Variants in DHX33 observed in about 807,000 individuals in gnomAD.
DHX33 encodes DEAH-box helicase 33, also known as ATP-dependent RNA helicase DHX33.
DHX33 carries 42 observed loss-of-function variants against 72.5 expected under a neutral mutation model. That is an observed-to-expected ratio of 0.58 (90% CI 0.45 to 0.75). DHX33 has a LOEUF of 0.75. DHX33 is among the 30% of genes least tolerant of loss of function. DHX33 has a pLI of 0.00. For synonymous variants in DHX33, 358 were observed against 366.1 expected (o/e 0.98, Z 0.25); for missense variants, 842 against 917.5 (o/e 0.92, Z 1.06).
rs992127972 is a variant in DHX33 at position 5,444,937 on chromosome 17, C to G, written c.1816-424G>C. Among the ~76,000 whole-genome samples the G allele has an allele frequency of 1.3e-5, 2 of 152,214 alleles. No individual in the cohort carries two copies. Among genetic ancestry groups the G allele is most frequent in the East Asian group, 3.8e-4 (2 of 5,200 alleles). Reference sequence around the variant, plus strand: ...AAGCTAATCTACCTAAAGCACAACTCGAATCACTCTTCATCCACTCAAATA... The same window carrying G: ...AAGCTAATCTACCTAAAGCACAACTGGAATCACTCTTCATCCACTCAAATA... On this transcript the variant is annotated intron_variant, in intron 11 of 11. Coordinates refer to ENST00000225296, the MANE Select transcript of DHX33 (RefSeq NM_020162.4). The surrounding 1 kb of genome is among the most constrained non-coding windows in gnomAD (Gnocchi z 4.9).
rs554673446 is a variant in DHX33, at chr17:5,460,143, T to C, written c.849+796A>G. Among the ~76,000 whole-genome samples, 5 of 151,562 alleles carry C rather than the reference T, an allele frequency of 3.3e-5. 1 individual carries two copies. Among genetic ancestry groups the C allele is most frequent in the African/African-American group, 9.7e-5 (4 of 41,282 alleles). ...CATTCTCTTGCCTCAGTCTCCCGAG[T>C]AGCTGGGACTACAGGCGCCCGCTAC... is the stretch of plus-strand genomic sequence containing the variant. On this transcript the variant is annotated intron_variant, in intron 4 of 11. Transcript: ENST00000225296.
In DHX33 at chr17:5,455,256, T is replaced by TCA; in HGVS notation, c.1049_1050dup (p.Ile351Ter). ...GTTTCAGCGATGTTGGTTGAAATGA[T>TCA]CACTTTGCGATAGCCCTAAAAGGAG... On this transcript the variant is annotated frameshift_variant, in exon 6 of 12. Transcript: ENST00000225296. LOFTEE classifies it high-confidence loss of function. 1 of 1,614,190 alleles carries TCA rather than the reference T, an allele frequency of 6.2e-7. No homozygotes were observed. The highest frequency in any genetic ancestry group is 8.5e-7 in the Non-Finnish European group (1 of 1,180,014).
At chr17:5,461,288 G>T in intron 3 of DHX33, 179 bp from the exon 4 acceptor site, 2 of 469,946 alleles carry the variant, frequency 4.3e-6, no homozygotes, top group East Asian at 3.6e-5. Flanking sequence ...ACACAGGTCT[G>T]TTTCCTTTCC....
chr17:5,466,692 GA>G (rs35129965), intron 1 of DHX33, among the ~76,000 whole-genome samples: 9,770 of 152,280 alleles, frequency 0.064, 338 homozygotes, highest in Middle Eastern at 0.082. Context: ...CTTAGCTGTA[GA>G]ACTTGCCTGC....
At chr17:5,452,172 G>C (rs566060426) in intron 8 of DHX33, among the ~76,000 whole-genome samples, 1 of 152,088 alleles carries the variant, frequency 6.6e-6, no homozygotes, top group Non-Finnish European at 1.5e-5. Context: ...TCATTTGTAT[G>C]TAAGAATTTA....
intron 10 of DHX33, 63 bp from the exon 11 acceptor site, chr17:5,448,958 G>T: frequency 1.5e-6 from 2 of 1,350,064 alleles, no homozygotes; most frequent in East Asian, 2.4e-5. Context: ...TCACAGAGAC[G>T]GGGTCTTGCT....
At position 5,453,838 on chromosome 17, in the gene DHX33, G is replaced by A. The variant is rs147168886; in HGVS notation, c.1290C>T (p.Thr430=). The change falls in exon 7 of 12, where the codon ACC becomes ACT. Residue 430 remains threonine (T), a synonymous_variant. Coordinates refer to ENST00000225296, the MANE Select transcript of DHX33 (RefSeq NM_020162.4). ...EDEFEKFDKM[T]VPEIQRCNLA... ...GTGCCTACCTCTGGATCTCTGGCAC[G>A]GTCATCTTATCAAACTTCTCAAACT... The A allele has an allele frequency of 2.6e-5, 42 of 1,613,892 alleles. No individual in the cohort carries two copies. The highest frequency in any genetic ancestry group is 3.3e-4 in the Middle Eastern group (2 of 6,082).
chr17:5,449,466 T>G (rs1916796862), intron 10 of DHX33, among the ~76,000 whole-genome samples: 1 of 152,222 alleles, frequency 6.6e-6, no homozygotes, highest in African/African-American at 2.4e-5. Context: ...AGATAGAGTC[T>G]CGCTCTGTCA....
In DHX33 at chr17:5,441,746, C is replaced by T. The variant is rs188777786; in HGVS notation, c.*2459G>A. 2 of 152,252 alleles carry T rather than the reference C, an allele frequency of 1.3e-5. No homozygotes were observed. Among genetic ancestry groups the T allele is most frequent in the African/African-American group, 4.8e-5 (2 of 41,524 alleles). 9.4% of individuals were successfully genotyped at this position (152,252 alleles called of 1,614,324 possible). ...GTATTAAAACTCTACCACAATGTTACAGGGATAAACTTATTTCTGTACAGA... is the reference window on the plus strand; with the variant it reads ...GTATTAAAACTCTACCACAATGTTATAGGGATAAACTTATTTCTGTACAGA... On this transcript the variant is annotated 3_prime_UTR_variant, in exon 12 of 12. Transcript: ENST00000225296.
rs758826511 is a variant in DHX33 at position 5,460,948 on chromosome 17, C to G, written c.840G>C (p.Gln280His). 7 of 1,612,300 alleles carry G rather than the reference C, an allele frequency of 4.3e-6. No individual in the cohort carries two copies. The South Asian group carries it at 5.5e-5, about 13-fold the overall frequency. ...YLHAALVSVF[Q>H]IHQEAPSSQD... ...GCCCCCAGCACCATACCTGGTGGAT[C>G]TGGAAGACGGAGACAAGCGCGGCGT... The change falls in exon 4 of 12, where the codon CAG (glutamine) becomes CAC (histidine). Residue 280 changes from glutamine to histidine, a missense_variant. Physicochemically the swap from Gln to His is conservative, Grantham distance 24. Coordinates refer to ENST00000225296, the MANE Select transcript of DHX33 (RefSeq NM_020162.4).
In DHX33 at chr17:5,444,211, T is replaced by C. The variant is rs895569941; in HGVS notation, c.2118A>G (p.Arg706=). ...EYFRRKLRTA[R]N is the part of the protein sequence containing the mutation. ...GGCGGCATCCTGGGGCGGCTCAGTTTCTGGCGGTTCTCAGCTTCCTCCTAA... is the reference window on the plus strand; with the variant it reads ...GGCGGCATCCTGGGGCGGCTCAGTTCCTGGCGGTTCTCAGCTTCCTCCTAA... The change falls in exon 12 of 12, where the codon AGA becomes AGG. Residue 706 remains arginine (R), a synonymous_variant. Transcript: ENST00000225296. The surrounding 1 kb of genome is among the most constrained non-coding windows in gnomAD (Gnocchi z 4.9). The C allele has an allele frequency of 1.9e-6, 3 of 1,612,434 alleles. No individual in the cohort carries two copies. The highest frequency in any genetic ancestry group is 2.5e-6 in the Non-Finnish European group (3 of 1,178,588).
chr17:5,453,660 AG>A lies in DHX33; in HGVS notation c.1315del (p.Leu439TrpfsTer4). ...MTVPEIQRCN[L>X]ASVMLQLLAM... ...TAGAAGCTGAAGCATCACACTGGCCAGGTTACACCTGTGAAGAGCATGAGAC... is the reference window on the plus strand; with the variant it reads ...TAGAAGCTGAAGCATCACACTGGCCAGTTACACCTGTGAAGAGCATGAGAC... On this transcript the variant is annotated frameshift_variant, in exon 8 of 12. Coordinates refer to ENST00000225296, the MANE Select transcript of DHX33 (RefSeq NM_020162.4). LOFTEE classifies it high-confidence loss of function. 1.2e-6 allele frequency: 2 copies of A among 1,614,174 alleles called. No individual in the cohort carries two copies. The highest frequency in any genetic ancestry group is 1.7e-6 in the Non-Finnish European group (2 of 1,180,022).
rs1373886582 is a variant in DHX33 at position 5,461,589 on chromosome 17, G to T, written c.679-480C>A. 2.7e-5 allele frequency among the ~76,000 whole-genome samples: 4 copies of T among 146,768 alleles called. No individual in the cohort carries two copies. The East Asian group carries it at 8.0e-4, about 29-fold the overall frequency. On this transcript the variant is annotated intron_variant, in intron 3 of 11. Transcript: ENST00000225296. ...GCTGAGATCGCGTCACCACGCTGCA[G>T]CCTGGGTAACAGAGTGCAAAAAAAA...
chr17:5,447,514 C>A (rs1023090077), intron 11 of DHX33, among the ~76,000 whole-genome samples: 2 of 152,098 alleles, frequency 1.3e-5, no homozygotes, highest in Non-Finnish European at 2.9e-5. Context: ...GTCCCAGCTA[C>A]TCGGGAGGCT....
Position 5,468,700 on chromosome 17 carries a change from G to C in DHX33, c.160C>G (p.Pro54Ala). Reference sequence around the variant, plus strand: ...GGACTGGCCGAGGGCTGGGCCAGGGGCGGCTGCTGCCTCCGGCCTCCTCCT... The same window carrying C: ...GGACTGGCCGAGGGCTGGGCCAGGGCCGGCTGCTGCCTCCGGCCTCCTCCT... ...GGGGGRRQQPPLAQPSASPYP... is the reference protein window; with the variant it reads ...GGGGGRRQQPALAQPSASPYP... The change falls in exon 1 of 12, where the codon CCC (proline) becomes GCC (alanine). Residue 54 changes from proline to alanine, a missense_variant. By Grantham distance (27) the Pro-to-Ala change is conservative (BLOSUM62 -1). Transcript: ENST00000225296. 1 of 1,611,482 alleles carries C rather than the reference G, an allele frequency of 6.2e-7. No individual in the cohort carries two copies. Among genetic ancestry groups the C allele is most frequent in the Non-Finnish European group, 8.5e-7 (1 of 1,179,248 alleles).
In DHX33 at chr17:5,443,122, C is replaced by A. The variant is rs1031016537; in HGVS notation, c.*1083G>T. The A allele has an allele frequency of 7.2e-6, 1 of 138,278 alleles. No individual in the cohort carries two copies. The highest frequency in any genetic ancestry group is 1.6e-5 in the Non-Finnish European group (1 of 63,486). The allele number at this position is 138,278 out of a possible 1,614,324, so 8.6% of individuals were successfully genotyped here. ...TAGACTTCACTGAACTGCCCCCCAC[C>A]CCCCCCGCCCACACACCAAAAAAGA... On this transcript the variant is annotated 3_prime_UTR_variant, in exon 12 of 12. Transcript: ENST00000225296.
intron 5 of DHX33, 38 bp downstream of exon 5, chr17:5,455,957 TGC>T: frequency 6.3e-7 from 1 of 1,583,546 alleles, no homozygotes; most frequent in Admixed American, 1.8e-5. Flanking sequence ...TCCGTCTGGG[TGC>T]CCAGAATAGG....
chr17:5,446,067 T>C (rs1323459621), intron 11 of DHX33, among the ~76,000 whole-genome samples: 1 of 152,178 alleles, frequency 6.6e-6, no homozygotes, highest in Non-Finnish European at 1.5e-5. Context: ...CTCTGCCTCC[T>C]GGGTTCAAGC....
At chr17:5,458,548 G>A (rs927207496) in intron 4 of DHX33, among the ~76,000 whole-genome samples, 7 of 152,006 alleles carry the variant, frequency 4.6e-5, no homozygotes, top group Admixed American at 6.6e-5. Flanking sequence ...GGGAGTTCAC[G>A]ACCAGCCTGG....
Sources: allele counts gnomAD v4.1 joint callset (sites outside exome capture counted in the v4.1 genomes callset), GRCh38; gene constraint gnomAD v4.1.1; non-coding constraint Gnocchi (gnomAD v3.1); transcripts MANE v1.5; gene names NCBI Gene and HGNC (gene_info 2026-07-23, HGNC 2026-07-21).